SLC39A11: variants seen among roughly 807,000 people sequenced by gnomAD.
The protein encoded by SLC39A11 is solute carrier family 39 member 11, also known as zinc transporter ZIP11.
Under a neutral mutation model 36.1 loss-of-function variants are expected in SLC39A11, and 33 were observed. The ratio of observed to expected loss-of-function variants is 0.91; its 90% CI spans 0.69 to 1.22. The LOEUF is 1.22. Among genes scored for constraint, SLC39A11 ranks in the 50% most tolerant of loss-of-function variants. SLC39A11 has a pLI of 0.00. For synonymous variants in SLC39A11, 166 were observed against 170.3 expected, an observed-to-expected ratio of 0.97 and a Z score of 0.20; for missense variants, 432 against 430.3, an observed-to-expected ratio of 1.00 and a Z score of -0.03.
intron 3 of SLC39A11, among the ~76,000 whole-genome samples, chr17:73,050,324 A>AG (rs2059451014): frequency 7.7e-5 from 1 of 12,940 alleles, no homozygotes. Context: ...TGTTTGTGGC[A>AG]AAAAAAAAAA....
chr17:72,944,105 A>G (rs907409243), intron 5 of SLC39A11, among the ~76,000 whole-genome samples: 4 of 152,136 alleles, frequency 2.6e-5, no homozygotes, highest in Non-Finnish European at 4.4e-5. Context: ...CTCATTACTT[A>G]TGCTTATAAA....
intron 6 of SLC39A11, among the ~76,000 whole-genome samples, chr17:72,810,679 T>A (rs1236249560): frequency 6.6e-6 from 1 of 152,028 alleles, no homozygotes. Context: ...GGGATATACA[T>A]ATGTAAAAAT....
intron 3 of SLC39A11, among the ~76,000 whole-genome samples, chr17:73,074,105 T>C (rs1231690649): frequency 6.6e-6 from 1 of 151,228 alleles, no homozygotes; most frequent in Non-Finnish European, 1.5e-5. Flanking sequence ...CTATAGAGGA[T>C]TTAATTATTG....
intron 3 of SLC39A11, among the ~76,000 whole-genome samples, chr17:73,055,782 G>T (rs1281368280): frequency 6.6e-6 from 1 of 152,076 alleles, no homozygotes; most frequent in African/African-American, 2.4e-5. Context: ...CATAGCAGCT[G>T]AGCGTCAGTC....
intron 3 of SLC39A11, among the ~76,000 whole-genome samples, chr17:73,048,281 G>A (rs867717332): frequency 6.6e-6 from 1 of 151,936 alleles, no homozygotes; most frequent in Non-Finnish European, 1.5e-5. Flanking sequence ...AGTGAGAACA[G>A]GCGGTATTTG....
chr17:72,654,822 G>A (rs557872181), intron 7 of SLC39A11, among the ~76,000 whole-genome samples: 1 of 152,352 alleles, frequency 6.6e-6, no homozygotes, highest in South Asian at 2.1e-4. Context: ...CCAGCCCAAT[G>A]TCACTGACAA....
In SLC39A11 at chr17:72,771,441, C is replaced by T. The variant is rs536794240; in HGVS notation, c.602-34722G>A. Among the ~76,000 whole-genome samples, 7 of 152,010 alleles carry T rather than the reference C, an allele frequency of 4.6e-5. No homozygotes were observed. The South Asian group carries it at 1.5e-3, about 32-fold the overall frequency. ...CAGAGGTGTGCACTGAGAGTCACTTCGTGCCTCGTGTTCTATAGGAGCTGA... is the reference window on the plus strand; with the variant it reads ...CAGAGGTGTGCACTGAGAGTCACTTTGTGCCTCGTGTTCTATAGGAGCTGA... On this transcript the variant is annotated intron_variant, in intron 6 of 9. Coordinates refer to ENST00000255559, the MANE Select transcript of SLC39A11 (RefSeq NM_139177.4).
rs189026367 is a variant in SLC39A11, at chr17:72,904,319, C to T, written c.430+43433G>A. Among the ~76,000 whole-genome samples the T allele has an allele frequency of 4.6e-5, 7 of 152,172 alleles. No individual in the cohort carries two copies. The East Asian group carries it at 5.8e-4, about 13-fold the overall frequency. On this transcript the variant is annotated intron_variant, in intron 5 of 9. Coordinates refer to ENST00000255559, the MANE Select transcript of SLC39A11 (RefSeq NM_139177.4). ...GAGCCCAGAGTTGGAAGCCTGGGGA[C>T]GATTTTCCAGTAATAAAGGGGAAGG...
chr17:73,063,364 C>T (rs9915798), intron 3 of SLC39A11, among the ~76,000 whole-genome samples: 16,750 of 152,116 alleles, frequency 0.11, 1,090 homozygotes, highest in Non-Finnish European at 0.15. Flanking sequence ...CTAATAGAAC[C>T]TCATGTATCT....
At chr17:72,994,225 G>T (rs187089641) in intron 4 of SLC39A11, among the ~76,000 whole-genome samples, 35 of 152,252 alleles carry the variant, frequency 2.3e-4, no homozygotes, top group Admixed American at 2.2e-3. Flanking sequence ...TCATATGGTG[G>T]AGCATTGTAT....
At chr17:72,767,013 C>T (rs11651312) in intron 6 of SLC39A11, among the ~76,000 whole-genome samples, 5,380 of 152,280 alleles carry the variant, frequency 0.035, 125 homozygotes, top group Non-Finnish European at 0.053. Context: ...CCCCCAACTT[C>T]TCCCCGACAC....
chr17:72,668,480 C>G (rs1567925107), intron 7 of SLC39A11, among the ~76,000 whole-genome samples: 1 of 152,158 alleles, frequency 6.6e-6, no homozygotes. Context: ...TTTGCAAACT[C>G]TGTGTGCTGG....
At chr17:73,067,578 T>C (rs1472175431) in intron 3 of SLC39A11, among the ~76,000 whole-genome samples, 1 of 152,054 alleles carries the variant, frequency 6.6e-6, no homozygotes, top group Non-Finnish European at 1.5e-5. Context: ...GCTTATACAG[T>C]CTTAGTCTCC....
At chr17:72,739,688 C>A (rs2074589786) in intron 6 of SLC39A11, among the ~76,000 whole-genome samples, 2 of 152,202 alleles carry the variant, frequency 1.3e-5, no homozygotes, top group South Asian at 4.1e-4. Flanking sequence ...ACAGAGAAGG[C>A]TCCAAAACCC....
chr17:72,681,427 G>A lies in SLC39A11; in HGVS notation c.672-32159C>T, dbSNP rs1473137324. Among the ~76,000 whole-genome samples the A allele has an allele frequency of 3.3e-5, 5 of 152,186 alleles. No homozygotes were observed. The South Asian group carries it at 1.0e-3, about 32-fold the overall frequency. ...GCTGTGGGTGGAAAGTTGGAGGGAA[G>A]CAGGAGTGGCCAGAGGTGACAATAG... is the stretch of plus-strand genomic sequence containing the variant. On this transcript the variant is annotated intron_variant, in intron 7 of 9. Transcript: ENST00000255559.
chr17:73,008,034 T>C (rs542659718), intron 4 of SLC39A11, among the ~76,000 whole-genome samples: 3 of 150,610 alleles, frequency 2.0e-5, no homozygotes, highest in African/African-American at 7.3e-5. Context: ...ACCTAGGAGG[T>C]AGAAGGTGCA....
intron 3 of SLC39A11, among the ~76,000 whole-genome samples, chr17:73,039,041 C>T (rs904230507): frequency 3.3e-5 from 5 of 152,098 alleles, no homozygotes; most frequent in Admixed American, 2.0e-4. Flanking sequence ...GAATCAAGTC[C>T]GAGTTTGAAT....
At chr17:72,742,057 G>C (rs1311299570) in intron 6 of SLC39A11, among the ~76,000 whole-genome samples, 1 of 152,024 alleles carries the variant, frequency 6.6e-6, no homozygotes, top group Non-Finnish European at 1.5e-5. Flanking sequence ...CAAAAAATTT[G>C]CTGGGCATGG....
chr17:72,716,963 T>C (rs1457278912), intron 7 of SLC39A11, among the ~76,000 whole-genome samples: 8 of 121,368 alleles, frequency 6.6e-5, no homozygotes, highest in South Asian at 4.6e-4. Context: ...AGGGAGACCC[T>C]GTCTCAAAAA....
Sources: allele counts gnomAD v4.1 joint callset (sites outside exome capture counted in the v4.1 genomes callset), GRCh38; gene constraint gnomAD v4.1.1; transcripts MANE v1.5; gene names NCBI Gene and HGNC (gene_info 2026-07-23, HGNC 2026-07-21).